The following GLG1 variants were observed in gnomAD, a reference collection of about 807,000 sequenced individuals.
The protein encoded by GLG1 is Golgi apparatus protein 1.
GLG1 carries 38 observed loss-of-function variants against 160.5 expected under a neutral mutation model. The ratio of observed to expected loss-of-function variants is 0.24; its 90% CI spans 0.18 to 0.31. GLG1 has a LOEUF of 0.31. Ranked by LOEUF, GLG1 falls within the 10% of genes least tolerant of loss-of-function variation. The pLI is 1.00. For synonymous variants in GLG1, 644 were observed against 543.4 expected, an observed-to-expected ratio of 1.19 and a Z score of -2.57; for missense variants, 1,373 against 1,505.2, an observed-to-expected ratio of 0.91 and a Z score of 1.45.
chr16:74,486,766 A>T (rs1240739641), intron 8 of GLG1, among the ~76,000 whole-genome samples: 1 of 152,204 alleles, frequency 6.6e-6, no homozygotes, highest in Non-Finnish European at 1.5e-5. Flanking sequence ...CAAATTGATT[A>T]CCTCTAAGTT....
chr16:74,524,967 G>A (rs980037358), intron 2 of GLG1, among the ~76,000 whole-genome samples: 1 of 152,092 alleles, frequency 6.6e-6, no homozygotes, highest in Non-Finnish European at 1.5e-5. Flanking sequence ...CATCCATGTT[G>A]TAACATGTAT....
chr16:74,588,337 A>G (rs976029405), intron 1 of GLG1, among the ~76,000 whole-genome samples: 10 of 152,224 alleles, frequency 6.6e-5, no homozygotes, highest in African/African-American at 2.2e-4. Flanking sequence ...GTGAAAAATA[A>G]CAGAGAAGCA....
In GLG1 at chr16:74,457,677, C is replaced by T. The variant is rs2288053; in HGVS notation, c.3265+197G>A. Among the ~76,000 whole-genome samples, 4 of 152,048 alleles carry T rather than the reference C, an allele frequency of 2.6e-5. No homozygotes were observed. In the South Asian group the frequency reaches 6.2e-4, roughly 24 times the overall value. ...AGTCATGACAAGGCCAGTTCAAACT[C>T]GCAGGCTTATTCCTAAATTCATGAT... On this transcript the variant is annotated intron_variant, in intron 24 of 25. Coordinates refer to ENST00000422840, the MANE Select transcript of GLG1 (RefSeq NM_001145667.2).
intron 3 of GLG1, among the ~76,000 whole-genome samples, chr16:74,504,453 A>G (rs2016525170): frequency 6.6e-6 from 1 of 151,998 alleles, no homozygotes; most frequent in Admixed American, 6.6e-5. Context: ...ATGCCAGGCT[A>G]ATTTTTGTAT....
At chr16:74,584,478 T>C (rs775015993) in intron 1 of GLG1, among the ~76,000 whole-genome samples, 4 of 152,160 alleles carry the variant, frequency 2.6e-5, no homozygotes, top group Non-Finnish European at 5.9e-5. Flanking sequence ...ATAACACTCT[T>C]ACCAATTAGT....
In GLG1 at chr16:74,468,825, G is replaced by A. The variant is rs2015095278; in HGVS notation, c.2436+121C>T. On this transcript the variant is annotated intron_variant, in intron 17 of 25. Transcript: ENST00000422840. ...GTCGTATGTTAAAACTTTTGCACAGGACTTCAAGTCTTAACCATCACAGTA... is the reference window on the plus strand; with the variant it reads ...GTCGTATGTTAAAACTTTTGCACAGAACTTCAAGTCTTAACCATCACAGTA... 5.9e-6 allele frequency: 4 copies of A among 682,966 alleles called. 1 individual carries two copies. The highest frequency in any genetic ancestry group is 5.0e-5 in the East Asian group (2 of 39,840). 42.3% of individuals were successfully genotyped at this position (682,966 alleles called of 1,614,324 possible).
At chr16:74,541,376 C>T (rs899099052) in intron 1 of GLG1, among the ~76,000 whole-genome samples, 25 of 147,772 alleles carry the variant, frequency 1.7e-4, no homozygotes, top group Admixed American at 6.7e-4. Context: ...GTATTTTTCA[C>T]ATCTCATAAA....
intron 1 of GLG1, among the ~76,000 whole-genome samples, chr16:74,579,787 A>C (rs1363483695): frequency 6.6e-6 from 1 of 151,968 alleles, no homozygotes; most frequent in African/African-American, 2.4e-5. Context: ...TAGCATGGCC[A>C]CGCACAGTGG....
intron 1 of GLG1, among the ~76,000 whole-genome samples, chr16:74,605,319 G>C (rs1327008309): frequency 6.6e-6 from 1 of 151,932 alleles, no homozygotes; most frequent in Non-Finnish European, 1.5e-5. Flanking sequence ...TCCTTGAATA[G>C]GCCACTTTTT....
chr16:74,501,533 A>G (rs2016403124), intron 4 of GLG1, among the ~76,000 whole-genome samples: 1 of 152,210 alleles, frequency 6.6e-6, no homozygotes, highest in Admixed American at 6.5e-5. Flanking sequence ...TTAGTAACTC[A>G]TACATGGAGG....
intron 20 of GLG1, chr16:74,463,138 T>C (rs568606681): frequency 1.6e-5 from 9 of 555,244 alleles, no homozygotes; most frequent in South Asian, 7.9e-5. Context: ...AACGTTCTTT[T>C]AGGGCAGTTT....
chr16:74,458,849 C>T (rs1467540081), intron 23 of GLG1, among the ~76,000 whole-genome samples: 1 of 152,166 alleles, frequency 6.6e-6, no homozygotes, highest in Non-Finnish European at 1.5e-5. Flanking sequence ...GGAATATCAA[C>T]ATGATGGAAC....
intron 1 of GLG1, among the ~76,000 whole-genome samples, chr16:74,558,046 GTAGT>G (rs1358298880): frequency 6.6e-6 from 1 of 152,148 alleles, no homozygotes; most frequent in African/African-American, 2.4e-5. Context: ...GAAACTGTAG[GTAGT>G]TAAAAATTTA....
At chr16:74,586,338 T>G (rs936153932) in intron 1 of GLG1, among the ~76,000 whole-genome samples, 1 of 152,178 alleles carries the variant, frequency 6.6e-6, no homozygotes, top group Non-Finnish European at 1.5e-5. Context: ...AATTAGCACA[T>G]GAACTGAAAG....
intron 1 of GLG1, among the ~76,000 whole-genome samples, chr16:74,565,866 G>A (rs912423557): frequency 6.6e-6 from 1 of 152,184 alleles, no homozygotes; most frequent in Admixed American, 6.5e-5. Context: ...GTTTAGGTTT[G>A]GTTTTGCTTA....
intron 1 of GLG1, among the ~76,000 whole-genome samples, chr16:74,558,570 T>C (rs934210573): frequency 2.6e-5 from 4 of 152,264 alleles, no homozygotes; most frequent in African/African-American, 7.2e-5. Flanking sequence ...CATGTTTCCA[T>C]GGATACACAC....
At position 74,467,740 on chromosome 16, in the gene GLG1, A is replaced by C. The variant is rs368216591; in HGVS notation, c.2529+16T>G. 9 of 1,535,926 alleles carry C rather than the reference A, an allele frequency of 5.9e-6. No individual in the cohort carries two copies. Among genetic ancestry groups the C allele is most frequent in the Admixed American group, 1.7e-5 (1 of 57,952 alleles). ...CACATTACTTTTACAATTACAAAAG[A>C]AAAGCAAAAAGTTACCTGAGCGTTG... On this transcript the variant is annotated intron_variant, in intron 18 of 25. Transcript: ENST00000422840.
At chr16:74,483,580 C>T (rs2015681876) in intron 9 of GLG1, among the ~76,000 whole-genome samples, 2 of 152,114 alleles carry the variant, frequency 1.3e-5, no homozygotes, top group African/African-American at 2.4e-5. Flanking sequence ...ATACCATTAT[C>T]ACACCACTAA....
chr16:74,467,203 T>C (rs1018689590), intron 18 of GLG1, among the ~76,000 whole-genome samples: 27 of 152,232 alleles, frequency 1.8e-4, no homozygotes, highest in African/African-American at 5.8e-4. Flanking sequence ...GAAGTAATTA[T>C]CTCAAAGGCT....
Sources: gnomAD v4.1 joint callset for allele counts (sites outside exome capture counted in the v4.1 genomes callset) on GRCh38, gnomAD v4.1.1 for gene constraint, MANE v1.5 for transcripts, NCBI Gene and HGNC (gene_info 2026-07-23, HGNC 2026-07-21) for gene names.